THAP5: variants seen among roughly 807,000 people sequenced by gnomAD.
THAP5 encodes the protein THAP domain containing 5, also known as THAP domain-containing protein 5.
A neutral mutation model predicts 34.0 loss-of-function variants in THAP5; 26 were observed. The observed-to-expected ratio is 0.77, with a 90% CI of 0.56 to 1.06. THAP5 has a LOEUF of 1.06. THAP5 is among the 50% of genes least tolerant of loss of function. The probability of loss-of-function intolerance (pLI) is 0.00; values close to 1 mark genes in which losing one functional copy is unlikely to be tolerated. For missense variants in THAP5, 394 were observed against 452.8 expected (o/e 0.87, Z 1.18); for synonymous variants, 125 against 153.0 (o/e 0.82, Z 1.35).
At chr7:108,543,457 A>C in the THAP5 span, among the ~76,000 whole-genome samples, 1 of 152,224 alleles carries the variant, frequency 6.6e-6, no homozygotes, top group Non-Finnish European at 1.5e-5. Flanking sequence ...TCTGCCCTCT[A>C]TCTCTTGATG....
At chr7:108,567,643 A>G (rs1790514124) in intron 1 of THAP5, among the ~76,000 whole-genome samples, 1 of 152,224 alleles carries the variant, frequency 6.6e-6, no homozygotes, top group South Asian at 2.1e-4. Context: ...CCCAAAAGGC[A>G]TAAGATAATC....
chr7:108,560,501 G>C (rs999945216), downstream of THAP5, among the ~76,000 whole-genome samples: 5 of 152,148 alleles, frequency 3.3e-5, no homozygotes, highest in East Asian at 3.8e-4. Context: ...ATATATGCAA[G>C]GTCCAGTTGG....
the THAP5 span, among the ~76,000 whole-genome samples, chr7:108,549,279 G>A: frequency 1.3e-5 from 2 of 151,964 alleles, no homozygotes; most frequent in East Asian, 3.9e-4. Context: ...ACACCACCAC[G>A]CCCAGCTAAT....
At chr7:108,556,268 A>T (rs1366154595) in intron 1 of THAP5, among the ~76,000 whole-genome samples, 1 of 152,110 alleles carries the variant, frequency 6.6e-6, no homozygotes, top group Non-Finnish European at 1.5e-5. Context: ...ACATTTCAAG[A>T]CACAATCATG....
intron 1 of THAP5, 91 bp downstream of exon 1, chr7:108,569,399 T>G (rs1166080006): frequency 1.3e-6 from 2 of 1,543,064 alleles, no homozygotes; most frequent in Admixed American, 3.9e-5. Flanking sequence ...GAGGACTCAC[T>G]GGCAGAGCGG....
At chr7:108,569,091 C>A in intron 1 of THAP5, 5 of 1,040,378 alleles carry the variant, frequency 4.8e-6, no homozygotes, top group Non-Finnish European at 5.8e-6. Flanking sequence ...TATACCTATG[C>A]GACCTACCTC....
At chr7:108,556,321 A>G (rs749430799) in intron 1 of THAP5, among the ~76,000 whole-genome samples, 1 of 152,176 alleles carries the variant, frequency 6.6e-6, no homozygotes, top group African/African-American at 2.4e-5. Flanking sequence ...TTCCAGCATT[A>G]ACTCAAAAGT....
intron 2 of THAP5, chr7:108,565,593 AC>A (rs1790469588): frequency 3.1e-6 from 1 of 320,814 alleles, no homozygotes; most frequent in Non-Finnish European, 5.6e-6. Context: ...AAAAAATAAA[AC>A]TCATGAACTT....
chr7:108,565,594 C>A, intron 2 of THAP5: 1 of 322,736 alleles, frequency 3.1e-6, no homozygotes, highest in South Asian at 8.4e-5. Flanking sequence ...AAAAATAAAA[C>A]TCATGAACTT....
chr7:108,549,014 C>A, the THAP5 span, among the ~76,000 whole-genome samples: 19 of 151,878 alleles, frequency 1.3e-4, no homozygotes, highest in Non-Finnish European at 2.1e-4. Context: ...TTTCTGCTCT[C>A]CAGAGTCAAC....
At position 108,565,002 on chromosome 7, in the gene THAP5, G is replaced by A. The variant is rs1321263722; in HGVS notation, c.377C>T (p.Thr126Ile). ...ATCTGTGTTAACTATATTTTTCTTT[G>A]TCTCATTTAATACAAATGATTCTTC... ...KSEESFVLNE[T>I]KKNIVNTDVP... Residue 126 changes from threonine to isoleucine, a missense_variant, in exon 3 of 3, where the codon ACA becomes ATA. Thr to Ile is a moderately conservative substitution (Grantham distance 89, BLOSUM62 -1). Coordinates refer to ENST00000415914, the MANE Select transcript of THAP5 (RefSeq NM_001130475.3). 1 of 1,551,790 alleles carries A rather than the reference G, an allele frequency of 6.4e-7. No homozygotes were observed.
At chr7:108,543,131 A>G in the THAP5 span, among the ~76,000 whole-genome samples, 2 of 151,326 alleles carry the variant, frequency 1.3e-5, no homozygotes, top group Non-Finnish European at 2.9e-5. Context: ...GTTTCACCGT[A>G]TTAGCCAGGA....
rs1228910342 is a variant in THAP5, at chr7:108,565,094, AG to A, written c.284del (p.Pro95LeufsTer29). The A allele has an allele frequency of 6.6e-7, 1 of 1,515,550 alleles. No individual in the cohort carries two copies. The highest frequency in any genetic ancestry group is 1.4e-5 in the African/African-American group (1 of 70,780). The allele number at this position is 1,515,550 out of a possible 1,614,324, so 93.9% of individuals were successfully genotyped here. A position where few individuals can be genotyped will look rare whatever the true frequency, so the allele number is the denominator to read the frequency against. On this transcript the variant is annotated frameshift_variant, in exon 3 of 3. Transcript: ENST00000415914. LOFTEE classifies it high-confidence loss of function. ...TTTTCTTCTGGGATTTTTTTTTAGAAGGGTCTTTTCCCTAGAAAATAATATT... is the reference window on the plus strand; with the variant it reads ...TTTTCTTCTGGGATTTTTTTTTAGAAGGTCTTTTCCCTAGAAAATAATATT... ...SLPEDNQGKD[P>X]SKKKSQKKNL...
At chr7:108,555,497 CAAAGGAAA>C (rs769431424) in intron 1 of THAP5, among the ~76,000 whole-genome samples, 49 of 151,916 alleles carry the variant, frequency 3.2e-4, no homozygotes, top group African/African-American at 1.0e-3. Flanking sequence ...CACCTTCTTT[CAAAGGAAA>C]AAGACAGCAT....
chr7:108,555,502 G>C (rs990512405), intron 1 of THAP5, among the ~76,000 whole-genome samples: 1 of 151,714 alleles, frequency 6.6e-6, no homozygotes, highest in African/African-American at 2.4e-5. Context: ...TCTTTCAAAG[G>C]AAAAAGACAG....
At chr7:108,554,859 T>C (rs1864375583) in exon 2 of THAP5, 1 of 152,234 alleles carries the variant, frequency 6.6e-6, no homozygotes, top group Non-Finnish European at 1.5e-5. Context: ...TTTAGCTGTA[T>C]CTATCAAAAC....
At chr7:108,548,521 C>T in the THAP5 span, among the ~76,000 whole-genome samples, 2 of 152,134 alleles carry the variant, frequency 1.3e-5, no homozygotes, top group South Asian at 4.1e-4. Flanking sequence ...AATAGGTCAG[C>T]CCTTGTATTA....
chr7:108,566,437 CAT>C lies in THAP5; in HGVS notation c.81-417_81-416del, dbSNP rs139889777. On this transcript the variant is annotated intron_variant, in intron 1 of 2. Transcript: ENST00000415914. ...TCAAATGTATTTCATAATACCACCA[CAT>C]GTCAAATGGCTTGTTGTCTATAATT... is the stretch of plus-strand genomic sequence containing the variant. Among the ~76,000 whole-genome samples, 551 of 152,298 alleles carry C rather than the reference CAT, an allele frequency of 3.6e-3. 2 individuals are homozygous for C. The highest frequency in any genetic ancestry group is 0.012 in the African/African-American group (512 of 41,570).
At chr7:108,548,686 A>T in the THAP5 span, among the ~76,000 whole-genome samples, 1 of 152,232 alleles carries the variant, frequency 6.6e-6, no homozygotes, top group Non-Finnish European at 1.5e-5. Context: ...ACAAGGCAGC[A>T]GGCAAGAGAG....
Sources: gnomAD v4.1 joint callset for allele counts (sites outside exome capture counted in the v4.1 genomes callset) on GRCh38, gnomAD v4.1.1 for gene constraint, MANE v1.5 for transcripts, NCBI Gene and HGNC (gene_info 2026-07-23, HGNC 2026-07-21) for gene names.